The following NBAS variants were observed in gnomAD, a reference collection of about 807,000 sequenced individuals.
NBAS encodes the protein NBAS subunit of NRZ tethering complex.
Under a neutral mutation model 302.5 loss-of-function variants are expected in NBAS, and 219 were observed. That is an observed-to-expected ratio of 0.72 (90% confidence interval 0.65 to 0.81). NBAS has a LOEUF of 0.81. Ranked by LOEUF, NBAS falls within the 30% of genes least tolerant of loss-of-function variation. The probability of loss-of-function intolerance (pLI) is 0.00; values close to 1 mark genes in which losing one functional copy is unlikely to be tolerated. For missense variants in NBAS, 2,932 were observed against 2,841.6 expected, an observed-to-expected ratio of 1.03 and a Z score of -0.72; for synonymous variants, 1,118 against 1,021.6, an observed-to-expected ratio of 1.09 and a Z score of -1.80.
rs182546288 is a variant in NBAS at position 15,247,204 on chromosome 2, G to A, written c.5725-8518C>T. Reference sequence around the variant, plus strand: ...CGCCAAGAGAGGGTTTCTGGATCTCGCTCAAGAAAGAAGTCAGAGCTCCTG... The same window carrying A: ...CGCCAAGAGAGGGTTTCTGGATCTCACTCAAGAAAGAAGTCAGAGCTCCTG... On this transcript the variant is annotated intron_variant, in intron 44 of 51. Coordinates refer to ENST00000281513, the MANE Select transcript of NBAS (RefSeq NM_015909.4). Among the ~76,000 whole-genome samples the A allele has an allele frequency of 3.3e-5, 5 of 152,180 alleles. No individual in the cohort carries two copies. The East Asian group carries it at 7.8e-4, about 24-fold the overall frequency.
At chr2:15,330,110 A>G (rs540941630) in intron 36 of NBAS, among the ~76,000 whole-genome samples, 1 of 152,252 alleles carries the variant, frequency 6.6e-6, no homozygotes, top group Non-Finnish European at 1.5e-5. Flanking sequence ...TAATAGTTGT[A>G]TGTTTTTCCT....
rs1664476998 is a variant in NBAS, at chr2:15,553,447, TG to T, written c.313del (p.Gln105LysfsTer34). 1 of 1,611,446 alleles carries T rather than the reference TG, an allele frequency of 6.2e-7. No homozygotes were observed. Among genetic ancestry groups the T allele is most frequent in the Admixed American group, 1.7e-5 (1 of 59,998 alleles). On this transcript the variant is annotated frameshift_variant, in exon 5 of 52. Transcript: ENST00000281513. LOFTEE classifies it high-confidence loss of function. Reference protein sequence around the residue: ...ASNGKLLAAVQDQCVEIRSAK... With the variant: ...ASNGKLLAAVXDQCVEIRSAK... ...TTACCTGATTTCCACACACTGATCT[TG>T]AACAGCAGCCAAAAGCTTTCCATTG...
At chr2:14,902,574 G>A in the NBAS span, among the ~76,000 whole-genome samples, 1 of 152,160 alleles carries the variant, frequency 6.6e-6, no homozygotes, top group Admixed American at 6.5e-5. Context: ...ATTGGAAAAT[G>A]GCCAGGGAGA....
chr2:14,925,813 C>T, the NBAS span, among the ~76,000 whole-genome samples: 1 of 152,152 alleles, frequency 6.6e-6, no homozygotes, highest in African/African-American at 2.4e-5. Flanking sequence ...ACTTATTATA[C>T]TTTGTCATAC....
chr2:14,790,115 G>C, the NBAS span, among the ~76,000 whole-genome samples: 1 of 152,348 alleles, frequency 6.6e-6, no homozygotes, highest in African/African-American at 2.4e-5. Flanking sequence ...AGATTATACA[G>C]CCAGGAAGTC....
At chr2:15,280,799 G>A (rs1228409207) in intron 42 of NBAS, among the ~76,000 whole-genome samples, 2 of 152,104 alleles carry the variant, frequency 1.3e-5, no homozygotes, top group Non-Finnish European at 2.9e-5. Context: ...CCTCACCATT[G>A]ACTACTGAGC....
At chr2:15,190,526 C>T (rs1414975280) in intron 48 of NBAS, 123 bp from the exon 49 acceptor site, 1 of 1,202,410 alleles carries the variant, frequency 8.3e-7, no homozygotes, top group Non-Finnish European at 1.2e-6. Flanking sequence ...TAAGATTCAA[C>T]ATCAGAAAAA....
chr2:15,175,709 C>T lies in NBAS; in HGVS notation c.6840+3279G>A, dbSNP rs559759167. Among the ~76,000 whole-genome samples, 3 of 152,152 alleles carry T rather than the reference C, an allele frequency of 2.0e-5. No homozygotes were observed. The East Asian group carries it at 5.8e-4, about 29-fold the overall frequency. On this transcript the variant is annotated intron_variant, in intron 51 of 51. Coordinates refer to ENST00000281513, the MANE Select transcript of NBAS (RefSeq NM_015909.4). ...TCTGGCCCAGGAAAGAGGCTGTTGG[C>T]CATTTATAAAAGGTTACACGCACCA...
At chr2:15,250,552 G>T (rs1572526953) in intron 44 of NBAS, among the ~76,000 whole-genome samples, 1 of 152,182 alleles carries the variant, frequency 6.6e-6, no homozygotes, top group East Asian at 1.9e-4. Context: ...GAAAATTTTT[G>T]CTATCTATCC....
intron 10 of NBAS, among the ~76,000 whole-genome samples, chr2:15,508,430 T>C (rs753983917): frequency 6.6e-6 from 1 of 152,164 alleles, no homozygotes; most frequent in African/African-American, 2.4e-5. Flanking sequence ...AAATAAACAC[T>C]TGATTACACC....
the NBAS span, among the ~76,000 whole-genome samples, chr2:15,088,295 C>G: frequency 6.6e-6 from 1 of 152,188 alleles, no homozygotes; most frequent in Admixed American, 6.5e-5. Flanking sequence ...ACAGAGCATT[C>G]TCAGAGTATG....
rs1669529985 is a variant in NBAS at position 15,275,468 on chromosome 2, A to G, written c.5724+16T>C. 2.5e-6 allele frequency: 4 copies of G among 1,611,962 alleles called. No homozygotes were observed. The East Asian group carries it at 8.9e-5, about 36-fold the overall frequency. On this transcript the variant is annotated intron_variant, in intron 44 of 51. Transcript: ENST00000281513. Reference sequence around the variant, plus strand: ...TCTACTGTGCTCAAACCACTTTAAAATATCTTTTTGTTTACCTTGGTCACA... The same window carrying G: ...TCTACTGTGCTCAAACCACTTTAAAGTATCTTTTTGTTTACCTTGGTCACA...
intron 48 of NBAS, among the ~76,000 whole-genome samples, chr2:15,209,420 A>T (rs1160190538): frequency 1.3e-5 from 2 of 152,150 alleles, no homozygotes; most frequent in Non-Finnish European, 2.9e-5. Context: ...AGGAGGAGGA[A>T]ATGCTTCCAA....
chr2:14,982,342 A>G, the NBAS span, among the ~76,000 whole-genome samples: 1 of 152,206 alleles, frequency 6.6e-6, no homozygotes, highest in Non-Finnish European at 1.5e-5. Flanking sequence ...AACCCACGGA[A>G]TGGTGGAAAT....
chr2:15,306,987 G>A (rs992230871), intron 40 of NBAS, among the ~76,000 whole-genome samples: 6 of 152,178 alleles, frequency 3.9e-5, no homozygotes, highest in Admixed American at 1.3e-4. Context: ...TGCCAAGGGC[G>A]TCCTCACAGT....
intron 35 of NBAS, among the ~76,000 whole-genome samples, chr2:15,349,073 C>T (rs1481008773): frequency 3.3e-5 from 5 of 152,156 alleles, no homozygotes; most frequent in Non-Finnish European, 7.4e-5. Context: ...ACACTAAAGG[C>T]ACCAAAGTGC....
chr2:15,287,100 T>C lies in NBAS; in HGVS notation c.5111A>G (p.His1704Arg). The C allele has an allele frequency of 6.2e-7, 1 of 1,613,622 alleles. No individual in the cohort carries two copies. Among genetic ancestry groups the C allele is most frequent in the South Asian group, 1.1e-5 (1 of 91,072 alleles). The stretch of plus-strand genomic sequence containing the variant: ...ACTGTCCGTGAAGAGGAACTCCAAA[T>C]GGGTCATAAAAACTTCCCAGCGGGA... ...SVSRWEVFMT[H>R]LEFLFTDSGL... is the part of the protein sequence containing the mutation. The change falls in exon 42 of 52, where the codon CAT (histidine) becomes CGT (arginine). Residue 1704 changes from histidine (H) to arginine (R), a missense_variant. By Grantham distance (29) the His-to-Arg change is conservative (BLOSUM62 0). Coordinates refer to ENST00000281513, the MANE Select transcript of NBAS (RefSeq NM_015909.4).
the NBAS span, among the ~76,000 whole-genome samples, chr2:14,845,872 G>GA: frequency 6.6e-6 from 1 of 150,660 alleles, no homozygotes; most frequent in Non-Finnish European, 1.5e-5. Context: ...AGAGAGAAAA[G>GA]AAAAAAGAAT....
At chr2:15,323,835 AAAAC>A (rs1213864359) in intron 38 of NBAS, among the ~76,000 whole-genome samples, 2 of 151,936 alleles carry the variant, frequency 1.3e-5, no homozygotes, top group Non-Finnish European at 2.9e-5. Flanking sequence ...ACCCTGTCTC[AAAAC>A]AAACAAACAA....
Sources: gnomAD v4.1 joint callset for allele counts (sites outside exome capture counted in the v4.1 genomes callset) on GRCh38, gnomAD v4.1.1 for gene constraint, MANE v1.5 for transcripts, NCBI Gene and HGNC (gene_info 2026-07-23, HGNC 2026-07-21) for gene names.